CNTNAP2: variants seen among roughly 807,000 people sequenced by gnomAD.
The protein encoded by CNTNAP2 is contactin-associated protein-like 2.
Under a neutral mutation model 155.2 loss-of-function variants are expected in CNTNAP2, and 98 were observed. The observed-to-expected ratio is 0.63, with a 90% confidence interval of 0.54 to 0.75. The LOEUF (loss-of-function observed/expected upper bound fraction) is 0.75. CNTNAP2 is among the 30% of genes least tolerant of loss of function. The pLI, the probability that CNTNAP2 is intolerant of heterozygous loss-of-function variation, is 0.00. For synonymous variants in CNTNAP2, 651 were observed against 631.2 expected, an observed-to-expected ratio of 1.03 and a Z score of -0.47; for missense variants, 1,727 against 1,688.1, an observed-to-expected ratio of 1.02 and a Z score of -0.40.
At chr7:146,239,391 C>A (rs550692063) in intron 1 of CNTNAP2, among the ~76,000 whole-genome samples, 1 of 152,212 alleles carries the variant, frequency 6.6e-6, no homozygotes, top group African/African-American at 2.4e-5. Flanking sequence ...GGTTAAAATA[C>A]CAACAGCTTT....
intron 1 of CNTNAP2, among the ~76,000 whole-genome samples, chr7:146,760,906 C>G (rs1463714402): frequency 6.6e-6 from 1 of 152,084 alleles, no homozygotes; most frequent in Non-Finnish European, 1.5e-5. Context: ...GAATATAATT[C>G]ACATTTACTG....
At chr7:147,125,885 A>G (rs1340710907) in intron 6 of CNTNAP2, among the ~76,000 whole-genome samples, 1 of 152,210 alleles carries the variant, frequency 6.6e-6, no homozygotes, top group Non-Finnish European at 1.5e-5. Context: ...TCCTTTATGT[A>G]AAAGAAGACT....
intron 1 of CNTNAP2, among the ~76,000 whole-genome samples, chr7:146,719,611 C>A (rs1374938831): frequency 1.3e-5 from 2 of 152,050 alleles, no homozygotes; most frequent in African/African-American, 4.8e-5. Context: ...GAGTTTTTCA[C>A]TGAATTTTGC....
chr7:146,952,189 C>T (rs1014846446), intron 3 of CNTNAP2, among the ~76,000 whole-genome samples: 6 of 152,124 alleles, frequency 3.9e-5, no homozygotes, highest in African/African-American at 1.2e-4. Flanking sequence ...ACATGATAAT[C>T]TCAATAGATG....
chr7:147,132,608 AT>A, intron 8 of CNTNAP2, 99 bp downstream of exon 8: 1 of 1,482,128 alleles, frequency 6.7e-7, no homozygotes, highest in Non-Finnish European at 9.4e-7. Flanking sequence ...CACGCTCAGG[AT>A]TAGGTTTTAA....
rs148489415 is a variant in CNTNAP2, at chr7:146,363,061, G to A, written c.97+246088G>A. On this transcript the variant is annotated intron_variant, in intron 1 of 23. Coordinates refer to ENST00000361727, the MANE Select transcript of CNTNAP2 (RefSeq NM_014141.6). ...TGGGATTACAGGTGTGAGCCACCGC[G>A]CCTGGCCCACATAACACCTATTTAT... 1.8e-3 allele frequency among the ~76,000 whole-genome samples: 234 copies of A among 132,772 alleles called. 2 individuals are homozygous for A. Among genetic ancestry groups the A allele is most frequent in the African/African-American group, 7.3e-3 (205 of 28,090 alleles). The allele number at this position is 132,772 out of a possible 152,430, so 87.1% of individuals were successfully genotyped here.
intron 8 of CNTNAP2, among the ~76,000 whole-genome samples, chr7:147,241,636 GAAAAAAAAAA>G (rs773697991): frequency 1.6e-5 from 1 of 63,134 alleles, no homozygotes; most frequent in Non-Finnish European, 3.5e-5. Context: ...TCAAAAAAAG[GAAAAAAAAAA>G]AAAAAAAAAA....
At chr7:146,960,212 A>G (rs1797528428) in intron 3 of CNTNAP2, among the ~76,000 whole-genome samples, 1 of 152,246 alleles carries the variant, frequency 6.6e-6, no homozygotes, top group African/African-American at 2.4e-5. Flanking sequence ...TAACTACATT[A>G]CAACACTTAA....
At chr7:147,499,662 C>G (rs763785365) in intron 11 of CNTNAP2, among the ~76,000 whole-genome samples, 3 of 152,166 alleles carry the variant, frequency 2.0e-5, no homozygotes, top group African/African-American at 4.8e-5. Flanking sequence ...GTTCTCTCCC[C>G]CAAGCATGTG....
At chr7:146,548,235 G>A (rs547720901) in intron 1 of CNTNAP2, among the ~76,000 whole-genome samples, 2 of 151,998 alleles carry the variant, frequency 1.3e-5, no homozygotes, top group South Asian at 2.1e-4. Flanking sequence ...TTCCATTTCT[G>A]TGTTAATTTG....
At chr7:146,553,724 C>T (rs1424743280) in intron 1 of CNTNAP2, among the ~76,000 whole-genome samples, 4 of 151,980 alleles carry the variant, frequency 2.6e-5, no homozygotes, top group South Asian at 2.1e-4. Context: ...GTTGCTATAT[C>T]ACATAGTGAA....
intron 1 of CNTNAP2, among the ~76,000 whole-genome samples, chr7:146,165,996 A>G (rs1390550515): frequency 6.6e-6 from 1 of 152,186 alleles, no homozygotes; most frequent in South Asian, 2.1e-4. Flanking sequence ...TAATGTTTAA[A>G]ATAATTATAA....
chr7:147,536,872 C>T (rs1799550744), intron 11 of CNTNAP2, among the ~76,000 whole-genome samples: 1 of 152,160 alleles, frequency 6.6e-6, no homozygotes, highest in Admixed American at 6.5e-5. Flanking sequence ...TTAACCTATG[C>T]CTGGCCGTAA....
intron 8 of CNTNAP2, among the ~76,000 whole-genome samples, chr7:147,158,244 A>G (rs1016663424): frequency 3.3e-5 from 5 of 152,116 alleles, no homozygotes; most frequent in African/African-American, 9.7e-5. Context: ...GACCTCTTAA[A>G]AACAGACATA....
chr7:146,460,359 AC>A (rs1483306604), intron 1 of CNTNAP2, among the ~76,000 whole-genome samples: 2 of 148,240 alleles, frequency 1.3e-5, no homozygotes, highest in African/African-American at 5.1e-5. Flanking sequence ...TATAAAAAAG[AC>A]AGTATGAAGG....
chr7:146,317,973 C>A (rs974439431), intron 1 of CNTNAP2, among the ~76,000 whole-genome samples: 1 of 152,036 alleles, frequency 6.6e-6, no homozygotes, highest in Non-Finnish European at 1.5e-5. Flanking sequence ...AACCTCATCT[C>A]TACTAAAAAT....
intron 15 of CNTNAP2, among the ~76,000 whole-genome samples, chr7:148,078,583 C>T (rs927768651): frequency 1.3e-5 from 2 of 152,056 alleles, no homozygotes; most frequent in Non-Finnish European, 2.9e-5. Flanking sequence ...CAGGTTCAAA[C>T]GATTCTCCTG....
chr7:146,535,884 G>A (rs1426793237), intron 1 of CNTNAP2, among the ~76,000 whole-genome samples: 1 of 152,024 alleles, frequency 6.6e-6, no homozygotes, highest in African/African-American at 2.4e-5. Flanking sequence ...TGATCATTCA[G>A]TGTAGATGGA....
intron 12 of CNTNAP2, among the ~76,000 whole-genome samples, chr7:147,574,114 G>T (rs1345055338): frequency 1.3e-5 from 2 of 152,056 alleles, no homozygotes; most frequent in Non-Finnish European, 2.9e-5. Flanking sequence ...TTTCTAGAAT[G>T]CTTTTCATTG....
Sources: gnomAD v4.1 joint callset for allele counts (sites outside exome capture counted in the v4.1 genomes callset) on GRCh38, gnomAD v4.1.1 for gene constraint, MANE v1.5 for transcripts, NCBI Gene and HGNC (gene_info 2026-07-23, HGNC 2026-07-21) for gene names.